The following CCSER1 variants were observed in gnomAD, a reference collection of about 807,000 sequenced individuals.
CCSER1 encodes coiled-coil serine rich protein 1.
A neutral mutation model predicts 82.0 loss-of-function variants in CCSER1; 41 were observed. The observed-to-expected ratio is 0.50, with a 90% confidence interval of 0.39 to 0.65. CCSER1 has a LOEUF of 0.65. Among genes scored for constraint, CCSER1 ranks in the 30% least tolerant of loss-of-function variants. The pLI is 0.00. For missense variants in CCSER1, 1,119 were observed against 1,064.2 expected, an observed-to-expected ratio of 1.05 and a Z score of -0.72; for synonymous variants, 414 against 383.9, an observed-to-expected ratio of 1.08 and a Z score of -0.92.
rs145103606 is a variant in CCSER1 at position 91,156,067 on chromosome 4, G to A, written c.2217+70073G>A. On this transcript the variant is annotated intron_variant, in intron 10 of 10. Transcript: ENST00000509176. ...TGAGTGAATGTAATATCTGAGACTTGCTTCAAAATAGAGGGGGTAGATACT... is the reference window on the plus strand; with the variant it reads ...TGAGTGAATGTAATATCTGAGACTTACTTCAAAATAGAGGGGGTAGATACT... Among the ~76,000 whole-genome samples the A allele has an allele frequency of 8.6e-3, 1,312 of 151,874 alleles. 20 individuals are homozygous for A. The highest frequency in any genetic ancestry group is 0.03 in the African/African-American group (1,237 of 41,490).
intron 5 of CCSER1, among the ~76,000 whole-genome samples, chr4:90,590,496 CTTGAACT>C (rs1782558751): frequency 6.6e-6 from 1 of 151,918 alleles, no homozygotes. Context: ...AGGAGAATCA[CTTGAACT>C]CAGGAGGCAG....
rs55732916 is a variant in CCSER1, at chr4:91,200,184, ATT to A, written c.2217+114197_2217+114198del. Among the ~76,000 whole-genome samples the A allele has an allele frequency of 9.0e-3, 1,359 of 151,748 alleles. 29 individuals carry two copies. The highest frequency in any genetic ancestry group is 0.032 in the African/African-American group (1,313 of 41,428). ...TTTCAGCCACTATTCTTTTTAGTTG[ATT>A]TTTTTTGTCAATCTTAAATTTTCAA... is the stretch of plus-strand genomic sequence containing the variant. On this transcript the variant is annotated intron_variant, in intron 10 of 10. Coordinates refer to ENST00000509176, the MANE Select transcript of CCSER1 (RefSeq NM_001145065.2).
chr4:90,725,194 A>G (rs1206008879), intron 7 of CCSER1, among the ~76,000 whole-genome samples: 1 of 151,812 alleles, frequency 6.6e-6, no homozygotes, highest in African/African-American at 2.4e-5. Context: ...GAAGAAGCAT[A>G]TCTTTAACAA....
intron 9 of CCSER1, among the ~76,000 whole-genome samples, chr4:91,050,379 A>G (rs1008573734): frequency 2.0e-5 from 3 of 151,548 alleles, no homozygotes; most frequent in Non-Finnish European, 4.4e-5. Context: ...TGCAGTGAGC[A>G]GAGATTGCGC....
intron 10 of CCSER1, among the ~76,000 whole-genome samples, chr4:91,443,681 G>T (rs1033715185): frequency 5.4e-5 from 8 of 147,202 alleles, no homozygotes; most frequent in African/African-American, 7.4e-5. Context: ...TAAAATAAAA[G>T]AAAATAATAT....
intron 5 of CCSER1, among the ~76,000 whole-genome samples, chr4:90,581,532 GAAAT>G (rs1781415845): frequency 6.6e-6 from 1 of 151,948 alleles, no homozygotes; most frequent in Non-Finnish European, 1.5e-5. Flanking sequence ...GTATCTGTGT[GAAAT>G]ATATATATTG....
At chr4:90,523,517 G>C (rs141246742) in intron 5 of CCSER1, among the ~76,000 whole-genome samples, 1 of 152,056 alleles carries the variant, frequency 6.6e-6, no homozygotes, top group Admixed American at 6.6e-5. Context: ...TACTACATAA[G>C]CACAAATGTA....
intron 5 of CCSER1, among the ~76,000 whole-genome samples, chr4:90,475,625 G>T (rs991668561): frequency 2.6e-4 from 40 of 152,266 alleles, no homozygotes; most frequent in African/African-American, 8.9e-4. Flanking sequence ...AACCTCGAGG[G>T]TGAAAAATCG....
At chr4:90,303,940 C>T (rs146025007) in intron 1 of CCSER1, among the ~76,000 whole-genome samples, 1 of 151,952 alleles carries the variant, frequency 6.6e-6, no homozygotes, top group Non-Finnish European at 1.5e-5. Context: ...ACAATGAACT[C>T]AAACAAATTT....
At chr4:90,402,157 G>A (rs936837022) in intron 4 of CCSER1, among the ~76,000 whole-genome samples, 16 of 152,300 alleles carry the variant, frequency 1.1e-4, no homozygotes, top group African/African-American at 3.6e-4. Context: ...ATAGGATTTG[G>A]AGATTCTGCA....
chr4:91,230,590 T>A (rs1738546689), intron 10 of CCSER1, among the ~76,000 whole-genome samples: 1 of 151,984 alleles, frequency 6.6e-6, no homozygotes, highest in East Asian at 1.9e-4. Context: ...AATATATACA[T>A]GATTTGTGCC....
chr4:90,667,137 A>C (rs1731938061), intron 6 of CCSER1, among the ~76,000 whole-genome samples: 1 of 152,086 alleles, frequency 6.6e-6, no homozygotes, highest in Non-Finnish European at 1.5e-5. Flanking sequence ...TGTTTCTGAG[A>C]GTCAGTACAC....
chr4:91,310,657 G>A (rs931906531), intron 10 of CCSER1, among the ~76,000 whole-genome samples: 15 of 151,746 alleles, frequency 9.9e-5, no homozygotes, highest in African/African-American at 3.1e-4. Context: ...AGATAAATTC[G>A]CTAAGGGTAC....
chr4:90,155,983 C>G (rs1259295283), intron 1 of CCSER1, among the ~76,000 whole-genome samples: 4 of 151,992 alleles, frequency 2.6e-5, no homozygotes, highest in Non-Finnish European at 5.9e-5. Context: ...AATTTTGGAT[C>G]TTTCCTGCTT....
chr4:90,335,308 T>C (rs1740176030), intron 3 of CCSER1, among the ~76,000 whole-genome samples: 1 of 152,144 alleles, frequency 6.6e-6, no homozygotes, highest in African/African-American at 2.4e-5. Context: ...TTTTAAACCA[T>C]TCACAAATCC....
At chr4:91,021,197 CTCTT>C (rs1219013020) in intron 9 of CCSER1, among the ~76,000 whole-genome samples, 3 of 152,020 alleles carry the variant, frequency 2.0e-5, no homozygotes, top group Non-Finnish European at 4.4e-5. Context: ...TTCTTTTAGT[CTCTT>C]TCTTCCTTCC....
At chr4:91,116,743 T>G (rs575692994) in intron 10 of CCSER1, among the ~76,000 whole-genome samples, 121 of 152,342 alleles carry the variant, frequency 7.9e-4, no homozygotes, top group African/African-American at 2.9e-3. Context: ...GCTGCCTTGT[T>G]TGGTCTCCAA....
At chr4:90,808,122 A>G (rs1401081568) in intron 7 of CCSER1, among the ~76,000 whole-genome samples, 2 of 152,190 alleles carry the variant, frequency 1.3e-5, no homozygotes, top group Non-Finnish European at 2.9e-5. Context: ...GACAAAGCCA[A>G]CAAAAACATA....
chr4:90,980,615 G>A (rs1241683049), intron 9 of CCSER1, among the ~76,000 whole-genome samples: 2 of 151,782 alleles, frequency 1.3e-5, no homozygotes, highest in Non-Finnish European at 2.9e-5. Flanking sequence ...ATGATACTAA[G>A]TGTAGACTGA....
Sources: gnomAD v4.1 joint callset for allele counts (sites outside exome capture counted in the v4.1 genomes callset) on GRCh38, gnomAD v4.1.1 for gene constraint, MANE v1.5 for transcripts, NCBI Gene and HGNC (gene_info 2026-07-23, HGNC 2026-07-21) for gene names.